SLC71A1: variants seen among roughly 807,000 people sequenced by gnomAD.
The protein encoded by SLC71A1 is solute carrier family 71 member 1, also known as hippocampus abundant gene transcript 1.
At chr1:100,052,154 A>G in the SLC71A1 span, among the ~76,000 whole-genome samples, 5 of 152,324 alleles carry the variant, frequency 3.3e-5, no homozygotes, top group African/African-American at 1.2e-4. Context: ...AGGGTGATCA[A>G]AATGTGGATG....
At chr1:100,067,987 C>G in the SLC71A1 span, 1 of 1,613,946 alleles carries the variant, frequency 6.2e-7, no homozygotes, top group Non-Finnish European at 8.5e-7. Context: ...GTTTCAGCAA[C>G]ATTTGCTGCA....
chr1:100,067,951 C>T, the SLC71A1 span: 90 of 1,597,650 alleles, frequency 5.6e-5, no homozygotes, highest in Non-Finnish European at 6.9e-6. Context: ...CCTGACTAAT[C>T]TCTGTCTATC....
At chr1:100,069,368 G>C in the SLC71A1 span, among the ~76,000 whole-genome samples, 1 of 152,188 alleles carries the variant, frequency 6.6e-6, no homozygotes, top group Admixed American at 6.5e-5. Flanking sequence ...TTTGTAAAAT[G>C]ATTCTGAGTT....
the SLC71A1 span, chr1:100,038,462 A>C: frequency 5.8e-6 from 4 of 690,268 alleles, no homozygotes; most frequent in Middle Eastern, 3.5e-4. Context: ...GGGGTCGCGG[A>C]CCCGCATGCC....
the SLC71A1 span, chr1:100,058,766 TACATAC>T: frequency 2.9e-6 from 3 of 1,026,836 alleles, no homozygotes; most frequent in Admixed American, 1.9e-5. Flanking sequence ...TATATATACA[TACATAC>T]ACATACACGC....
At chr1:100,046,776 G>A in the SLC71A1 span, among the ~76,000 whole-genome samples, 2,043 of 152,178 alleles carry the variant, frequency 0.013, 18 homozygotes, top group Middle Eastern at 0.058. Context: ...TCAATGTTTT[G>A]TAGTCTGTAG....
At chr1:100,056,130 T>G in the SLC71A1 span, among the ~76,000 whole-genome samples, 1 of 152,212 alleles carries the variant, frequency 6.6e-6, no homozygotes, top group African/African-American at 2.4e-5. Context: ...AGATCTTATT[T>G]ATTCTATTTT....
the SLC71A1 span, among the ~76,000 whole-genome samples, chr1:100,054,068 G>A: frequency 2.1e-5 from 3 of 146,088 alleles, no homozygotes; most frequent in Admixed American, 7.0e-5. Context: ...TTGAGACGGA[G>A]TCTTAATCTG....
At chr1:100,052,754 T>C in the SLC71A1 span, among the ~76,000 whole-genome samples, 3 of 150,294 alleles carry the variant, frequency 2.0e-5, no homozygotes, top group Non-Finnish European at 4.4e-5. Flanking sequence ...ATCTTTAATT[T>C]TTGTTTTCTT....
At chr1:100,045,151 T>C in the SLC71A1 span, among the ~76,000 whole-genome samples, 1 of 152,256 alleles carries the variant, frequency 6.6e-6, no homozygotes, top group Non-Finnish European at 1.5e-5. Context: ...TGTGTTTCCC[T>C]TTGTGTCATT....
the SLC71A1 span, among the ~76,000 whole-genome samples, chr1:100,077,751 T>G: frequency 6.6e-6 from 1 of 152,150 alleles, no homozygotes; most frequent in Non-Finnish European, 1.5e-5. Flanking sequence ...ACCAGTCGGG[T>G]TTCCTGCAGG....
chr1:100,046,332 T>G, the SLC71A1 span, among the ~76,000 whole-genome samples: 2 of 149,174 alleles, frequency 1.3e-5, no homozygotes, highest in African/African-American at 4.9e-5. Flanking sequence ...GTTCAAGTGA[T>G]TCTCCTGCCT....
the SLC71A1 span, chr1:100,082,509 C>T: frequency 4.2e-5 from 14 of 329,758 alleles, no homozygotes; most frequent in African/African-American, 1.3e-4. Flanking sequence ...TAGATATTAG[C>T]AAATGTCTCT....
the SLC71A1 span, among the ~76,000 whole-genome samples, chr1:100,073,226 G>A: frequency 2.7e-4 from 41 of 152,166 alleles, no homozygotes; most frequent in Admixed American, 8.5e-4. Flanking sequence ...AATCTGAGCC[G>A]TGGCCATATC....
the SLC71A1 span, chr1:100,058,595 A>C: frequency 1.2e-6 from 1 of 818,500 alleles, no homozygotes; most frequent in Admixed American, 2.0e-5. Context: ...GATGTTCAAA[A>C]AGGTAAATGT....
chr1:100,038,493 C>T, the SLC71A1 span, among the ~76,000 whole-genome samples: 2 of 152,204 alleles, frequency 1.3e-5, no homozygotes, highest in African/African-American at 4.8e-5. Context: ...GAATCGTCCT[C>T]CGCTGCTCGG....
the SLC71A1 span, chr1:100,059,947 T>G: frequency 6.2e-7 from 1 of 1,613,410 alleles, no homozygotes; most frequent in Non-Finnish European, 8.5e-7. Context: ...AAAATCCTTC[T>G]TGCTGCTAAC....
the SLC71A1 span, among the ~76,000 whole-genome samples, chr1:100,067,547 A>G: frequency 6.6e-6 from 1 of 152,160 alleles, no homozygotes; most frequent in Non-Finnish European, 1.5e-5. Context: ...TTGGTGTCTC[A>G]TACCTGTACT....
the SLC71A1 span, among the ~76,000 whole-genome samples, chr1:100,048,826 A>C: frequency 2.6e-5 from 4 of 152,184 alleles, no homozygotes; most frequent in Non-Finnish European, 5.9e-5. Flanking sequence ...AGACAATACA[A>C]ATGTTTCAAG....
Sources: allele counts gnomAD v4.1 joint callset (sites outside exome capture counted in the v4.1 genomes callset), GRCh38; gene constraint gnomAD v4.1.1; transcripts MANE v1.5; gene names NCBI Gene and HGNC (gene_info 2026-07-23, HGNC 2026-07-21).